The following KANK4 variants were observed in gnomAD, a reference collection of about 807,000 sequenced individuals.
KANK4 encodes KN motif and ankyrin repeat domains 4.
Under a neutral mutation model 80.8 loss-of-function variants are expected in KANK4, and 50 were observed. The ratio of observed to expected loss-of-function variants is 0.62; its 90% confidence interval spans 0.49 to 0.78. KANK4 has a LOEUF of 0.78. Ranked by LOEUF, KANK4 falls within the 30% of genes least tolerant of loss-of-function variation. The pLI, the probability that KANK4 is intolerant of heterozygous loss-of-function variation, is 0.00. For synonymous variants in KANK4, 465 were observed against 506.9 expected, an observed-to-expected ratio of 0.92 and a Z score of 1.11; for missense variants, 1,196 against 1,240.1, an observed-to-expected ratio of 0.96 and a Z score of 0.53.
At chr1:62,238,992 T>G (rs1226209596) in intron 9 of KANK4, among the ~76,000 whole-genome samples, 1 of 152,130 alleles carries the variant, frequency 6.6e-6, no homozygotes, top group African/African-American at 2.4e-5. Context: ...TTCCATTACA[T>G]GTATCTAAGT....
At chr1:62,318,267 C>T (rs1336302977) in intron 1 of KANK4, among the ~76,000 whole-genome samples, 3 of 152,216 alleles carry the variant, frequency 2.0e-5, no homozygotes, top group Non-Finnish European at 4.4e-5. Flanking sequence ...GCTTGCACTC[C>T]AGGGCGCTTA....
intron 1 of KANK4, among the ~76,000 whole-genome samples, chr1:62,314,466 G>A (rs945692404): frequency 3.9e-5 from 6 of 152,120 alleles, no homozygotes; most frequent in East Asian, 1.9e-4. Context: ...CATCCAAATC[G>A]ATGGCACCGA....
At chr1:62,313,991 C>T (rs1032594878) in intron 1 of KANK4, among the ~76,000 whole-genome samples, 5 of 152,098 alleles carry the variant, frequency 3.3e-5, no homozygotes, top group South Asian at 4.1e-4. Context: ...CTTGCCATTC[C>T]GTCTTTTTGT....
chr1:62,276,593 C>T lies in KANK4; in HGVS notation c.17-1506G>A, dbSNP rs148364985. On this transcript the variant is annotated intron_variant, in intron 2 of 9. Coordinates refer to ENST00000371153, the MANE Select transcript of KANK4 (RefSeq NM_181712.5). ...GAGTTCGAGACCAGCCTGGCCAACA[C>T]GGTGAAACCCCATCTCTACTAAAAA... Among the ~76,000 whole-genome samples the T allele has an allele frequency of 6.1e-3, 925 of 152,034 alleles. 6 individuals are homozygous for T. The highest frequency in any genetic ancestry group is 0.021 in the African/African-American group (854 of 41,462).
At chr1:62,290,205 A>G (rs1008256406) in intron 1 of KANK4, among the ~76,000 whole-genome samples, 6 of 152,194 alleles carry the variant, frequency 3.9e-5, no homozygotes, top group Admixed American at 2.0e-4. Context: ...CTGCTTTGTA[A>G]TGATTACTAT....
chr1:62,256,115 GC>G (rs1459981438), intron 7 of KANK4, among the ~76,000 whole-genome samples: 2 of 152,116 alleles, frequency 1.3e-5, no homozygotes, highest in Non-Finnish European at 2.9e-5. Flanking sequence ...TTTATGTGTG[GC>G]CCAAGACAAT....
intron 1 of KANK4, among the ~76,000 whole-genome samples, chr1:62,311,204 A>C (rs1454241748): frequency 6.6e-6 from 1 of 152,174 alleles, no homozygotes; most frequent in Non-Finnish European, 1.5e-5. Flanking sequence ...AGAATCAGGC[A>C]GATGCAGGCT....
intron 1 of KANK4, among the ~76,000 whole-genome samples, chr1:62,308,330 G>A (rs1644470033): frequency 1.3e-5 from 2 of 152,134 alleles, no homozygotes; most frequent in Admixed American, 1.3e-4. Flanking sequence ...ATTGCCCAGG[G>A]CGGCTGCCTG....
At position 62,281,642 on chromosome 1, in the gene KANK4, A is replaced by G. The variant is rs1034768782; in HGVS notation, c.-70-8T>C. 1.3e-6 allele frequency: 2 copies of G among 1,530,726 alleles called. No homozygotes were observed. Among genetic ancestry groups the G allele is most frequent in the African/African-American group, 2.7e-5 (2 of 73,372 alleles). The allele number at this position is 1,530,726 out of a possible 1,614,324, so 94.8% of individuals were successfully genotyped here. A position where few individuals can be genotyped will look rare whatever the true frequency, so the allele number is the denominator to read the frequency against. ...TAAAACTTGTTGAAGGTTCTGAAAG[A>G]AAGGAGGATACAGAAGTGGTGAGTC... On this transcript the variant is annotated splice_polypyrimidine_tract_variant and splice_region_variant and intron_variant, in intron 1 of 9. Transcript: ENST00000371153.
At chr1:62,280,355 G>C (rs1440155967) in intron 2 of KANK4, among the ~76,000 whole-genome samples, 6 of 152,218 alleles carry the variant, frequency 3.9e-5, no homozygotes, top group African/African-American at 1.4e-4. Context: ...AGAAGGGACT[G>C]AGAGGCAGCT....
At chr1:62,296,602 A>G (rs1389481482) in intron 1 of KANK4, among the ~76,000 whole-genome samples, 6 of 151,982 alleles carry the variant, frequency 3.9e-5, no homozygotes, top group Admixed American at 2.0e-4. Flanking sequence ...CCCCGTCTGG[A>G]GTGCAGTGGC....
At chr1:62,263,385 C>A in intron 6 of KANK4, 74 bp from the exon 7 acceptor site, 2 of 1,237,762 alleles carry the variant, frequency 1.6e-6, no homozygotes, top group Non-Finnish European at 2.3e-6. Flanking sequence ...CAAGGAAAGA[C>A]AGCTTTGGCC....
intron 9 of KANK4, among the ~76,000 whole-genome samples, chr1:62,241,825 T>A (rs1392380729): frequency 6.6e-6 from 1 of 152,178 alleles, no homozygotes; most frequent in South Asian, 2.1e-4. Flanking sequence ...TAAGCCTCTA[T>A]GTAAACACAG....
chr1:62,286,556 A>T (rs924580693), intron 1 of KANK4, among the ~76,000 whole-genome samples: 1 of 152,154 alleles, frequency 6.6e-6, no homozygotes, highest in Non-Finnish European at 1.5e-5. Context: ...TCCAAACAAC[A>T]CACAATCTTC....
chr1:62,283,594 C>T (rs1672498718), intron 1 of KANK4, among the ~76,000 whole-genome samples: 1 of 152,174 alleles, frequency 6.6e-6, no homozygotes, highest in Non-Finnish European at 1.5e-5. Flanking sequence ...TGGTGCTTCT[C>T]TGCCTCTCCC....
At chr1:62,278,088 C>T (rs1435184492) in intron 2 of KANK4, among the ~76,000 whole-genome samples, 5 of 152,102 alleles carry the variant, frequency 3.3e-5, no homozygotes, top group Non-Finnish European at 5.9e-5. Flanking sequence ...TTTGACTTTA[C>T]GCTCTAGGTC....
Position 62,238,056 on chromosome 1 carries a change from C to G in KANK4, c.*221G>C. On this transcript the variant is annotated 3_prime_UTR_variant, in exon 10 of 10. Transcript: ENST00000371153. ...GTACCCCTCACCTTGCACCTTGAAC[C>G]CTGCTCTGAAGCCCGTGTAGTTTTC... 1 of 488,640 alleles carries G rather than the reference C, an allele frequency of 2.0e-6. No individual in the cohort carries two copies. Among genetic ancestry groups the G allele is most frequent in the South Asian group, 4.3e-5 (1 of 23,076 alleles). 30.3% of individuals were successfully genotyped at this position (488,640 alleles called of 1,614,324 possible). A position where few individuals can be genotyped will look rare whatever the true frequency, so the allele number is the denominator to read the frequency against.
At position 62,273,611 on chromosome 1, in the gene KANK4, T is replaced by TCAGTGGAG; in HGVS notation, c.1485_1492dup (p.Glu498AlafsTer70). 1 of 1,614,014 alleles carries TCAGTGGAG rather than the reference T, an allele frequency of 6.2e-7. No homozygotes were observed. Among genetic ancestry groups the TCAGTGGAG allele is most frequent in the South Asian group, 1.1e-5 (1 of 91,062 alleles). On this transcript the variant is annotated frameshift_variant, in exon 3 of 10. Coordinates refer to ENST00000371153, the MANE Select transcript of KANK4 (RefSeq NM_181712.5). LOFTEE classifies it high-confidence loss of function. ...AGTGCCTGCTTCTTCAATCCTGAGTTCAGTGGAGAGGAAGCTATGTACAGA... is the reference window on the plus strand; with the variant it reads ...AGTGCCTGCTTCTTCAATCCTGAGTTCAGTGGAGCAGTGGAGAGGAAGCTATGTACAGA...
At position 62,274,877 on chromosome 1, in the gene KANK4, G is replaced by T. The variant is rs141263563; in HGVS notation, c.227C>A (p.Pro76His). The T allele has an allele frequency of 6.2e-7, 1 of 1,614,140 alleles. No individual in the cohort carries two copies. The highest frequency in any genetic ancestry group is 1.7e-5 in the Admixed American group (1 of 60,032). Residue 76 changes from proline to histidine, a missense_variant, in exon 3 of 10, where the codon CCT becomes CAT. Around this residue, in one of 3 missense-constraint regions of KANK4, gnomAD observed 1,154 missense variants for 1,179.6 expected, o/e 0.98. Coordinates refer to ENST00000371153, the MANE Select transcript of KANK4 (RefSeq NM_181712.5). ...FSTLPRNFSL[P>H]DSGARPPAAP... ...TGCAGGGGGGCGAGCCCCACTGTCA[G>T]GAAGGCTGAAGTTTCGGGGCAGAGT...
Sources: gnomAD v4.1 joint callset for allele counts (sites outside exome capture counted in the v4.1 genomes callset) on GRCh38, gnomAD v4.1.1 for gene constraint, gnomAD v4.1.1 regional missense constraint, MANE v1.5 for transcripts, NCBI Gene and HGNC (gene_info 2026-07-23, HGNC 2026-07-21) for gene names.